Variants in RIT2 observed in about 807,000 individuals in gnomAD.
RIT2 encodes the protein Ras like without CAAX 2, also known as GTP-binding protein Rit2.
Under a neutral mutation model 23.7 loss-of-function variants are expected in RIT2, and 24 were observed. The ratio of observed to expected loss-of-function variants is 1.01; its 90% CI spans 0.73 to 1.43. The LOEUF is 1.43. Among genes scored for constraint, RIT2 ranks in the 40% most tolerant of loss-of-function variants. The probability of loss-of-function intolerance (pLI) is 0.00; values close to 1 mark genes in which losing one functional copy is unlikely to be tolerated. For synonymous variants in RIT2, 107 were observed against 91.1 expected, an observed-to-expected ratio of 1.17 and a Z score of -0.99; for missense variants, 236 against 266.9, an observed-to-expected ratio of 0.88 and a Z score of 0.81.
intron 1 of RIT2, among the ~76,000 whole-genome samples, chr18:43,083,748 G>C (rs190804358): frequency 6.6e-6 from 1 of 152,004 alleles, no homozygotes; most frequent in Non-Finnish European, 1.5e-5. Flanking sequence ...GTGGACTAAA[G>C]AATTAAATAT....
chr18:43,025,226 C>CAAAAAAAAAA (rs1282557268), intron 2 of RIT2, among the ~76,000 whole-genome samples: 1 of 108,862 alleles, frequency 9.2e-6, no homozygotes. Flanking sequence ...CAAAACAAAA[C>CAAAAAAAAAA]AAAAAAAAAA....
At chr18:42,888,587 C>T (rs1251139788) in intron 4 of RIT2, among the ~76,000 whole-genome samples, 1 of 151,758 alleles carries the variant, frequency 6.6e-6, no homozygotes. Context: ...ATAAATCACT[C>T]TACCAGAAAG....
intron 4 of RIT2, among the ~76,000 whole-genome samples, chr18:42,922,032 AAAGT>A (rs1189082271): frequency 1.3e-5 from 2 of 152,180 alleles, no homozygotes. Flanking sequence ...GAGAAACAGC[AAAGT>A]AAGACAGCAG....
chr18:42,878,412 C>T lies in RIT2; in HGVS notation c.426+45160G>A, dbSNP rs1040950145. ...AATAGAAGTGAATCATCACAAAGGTCTTCATCTCTTTCTTGTCTTCAGGTT... is the reference window on the plus strand; with the variant it reads ...AATAGAAGTGAATCATCACAAAGGTTTTCATCTCTTTCTTGTCTTCAGGTT... On this transcript the variant is annotated intron_variant, in intron 4 of 4. Coordinates refer to ENST00000326695, the MANE Select transcript of RIT2 (RefSeq NM_002930.4). Among the ~76,000 whole-genome samples, 28 of 151,844 alleles carry T rather than the reference C, an allele frequency of 1.8e-4. No homozygotes were observed. In the South Asian group the frequency reaches 5.0e-3, roughly 27 times the overall value.
intron 4 of RIT2, among the ~76,000 whole-genome samples, chr18:42,846,420 A>G (rs564833555): frequency 3.2e-4 from 48 of 152,154 alleles, no homozygotes; most frequent in African/African-American, 1.1e-3. Flanking sequence ...TATTAAAAAC[A>G]TAAACTTACA....
intron 4 of RIT2, among the ~76,000 whole-genome samples, chr18:42,812,691 G>T (rs1598664271): frequency 6.6e-6 from 1 of 152,074 alleles, no homozygotes; most frequent in Non-Finnish European, 1.5e-5. Flanking sequence ...GGGGAGAAAA[G>T]GGGAAAGAAA....
At chr18:42,862,296 G>T (rs1053035448) in intron 4 of RIT2, among the ~76,000 whole-genome samples, 1 of 152,128 alleles carries the variant, frequency 6.6e-6, no homozygotes, top group African/African-American at 2.4e-5. Context: ...CGTGAAGAAG[G>T]TCATTGCCTC....
intron 4 of RIT2, among the ~76,000 whole-genome samples, chr18:42,827,047 T>C (rs1031238874): frequency 1.3e-5 from 2 of 150,922 alleles, no homozygotes; most frequent in Admixed American, 6.6e-5. Flanking sequence ...AATTCAATTC[T>C]TAAAACAAAC....
Position 42,976,596 on chromosome 18 carries a change from G to A in RIT2, c.161-2449C>T, listed in dbSNP as rs150024140. 4.6e-4 allele frequency among the ~76,000 whole-genome samples: 70 copies of A among 151,960 alleles called. No individual in the cohort carries two copies. In the East Asian group the frequency reaches 0.011, roughly 24 times the overall value. On this transcript the variant is annotated intron_variant, in intron 2 of 4. Transcript: ENST00000326695. ...TGTTTGGGTCATGTAGTTGTTACAA[G>A]GATTAAATGATACAAGATGAGGAAG...
intron 2 of RIT2, among the ~76,000 whole-genome samples, chr18:42,979,706 G>A (rs544955101): frequency 6.6e-6 from 1 of 152,164 alleles, no homozygotes; most frequent in African/African-American, 2.4e-5. Flanking sequence ...TCTAATGTAT[G>A]TATCAATATA....
At chr18:42,847,077 C>T (rs1235273828) in intron 4 of RIT2, among the ~76,000 whole-genome samples, 2 of 152,080 alleles carry the variant, frequency 1.3e-5, no homozygotes, top group East Asian at 3.9e-4. Flanking sequence ...CTATCATTTG[C>T]CATGCGGTAA....
chr18:42,754,336 G>A (rs1463369426), intron 4 of RIT2, among the ~76,000 whole-genome samples: 1 of 152,134 alleles, frequency 6.6e-6, no homozygotes, highest in Admixed American at 6.5e-5. Flanking sequence ...GGTGTGGAGT[G>A]GGGAAAGGCA....
At position 42,747,162 on chromosome 18, in the gene RIT2, C is replaced by G. The variant is rs530020726; in HGVS notation, c.427-3442G>C. Among the ~76,000 whole-genome samples the G allele has an allele frequency of 3.3e-5, 5 of 152,082 alleles. No individual in the cohort carries two copies. In the East Asian group the frequency reaches 7.7e-4, roughly 23 times the overall value. ...GTATACCTAGAAAACCCTAAAGACT[C>G]TTCCAAAAAGCTCCTAGATAAATGA... On this transcript the variant is annotated intron_variant, in intron 4 of 4. Transcript: ENST00000326695.
intron 1 of RIT2, among the ~76,000 whole-genome samples, chr18:43,113,963 C>T (rs2144256935): frequency 6.6e-6 from 1 of 152,202 alleles, no homozygotes; most frequent in South Asian, 2.1e-4. Flanking sequence ...CTGTATCTGA[C>T]TGGATTCTTG....
At chr18:42,899,030 A>G (rs1026704523) in intron 4 of RIT2, among the ~76,000 whole-genome samples, 2 of 152,090 alleles carry the variant, frequency 1.3e-5, no homozygotes, top group Admixed American at 1.3e-4. Context: ...CTTTTTAAAT[A>G]AATAATTAAT....
chr18:42,976,661 T>C (rs1174503727), intron 2 of RIT2, among the ~76,000 whole-genome samples: 3 of 152,072 alleles, frequency 2.0e-5, no homozygotes, highest in African/African-American at 7.2e-5. Context: ...AAGAGTGTCT[T>C]GCATGTAAAA....
intron 1 of RIT2, among the ~76,000 whole-genome samples, chr18:43,059,763 G>T (rs1033122368): frequency 6.9e-6 from 1 of 145,770 alleles, no homozygotes; most frequent in Admixed American, 7.0e-5. Flanking sequence ...GTGGGGATGA[G>T]AATCATTCTT....
At chr18:42,886,113 G>T (rs1908016416) in intron 4 of RIT2, among the ~76,000 whole-genome samples, 1 of 152,146 alleles carries the variant, frequency 6.6e-6, no homozygotes, top group Admixed American at 6.6e-5. Flanking sequence ...GATAATATTT[G>T]ATTTACTGCT....
chr18:42,895,223 G>A (rs1249340947), intron 4 of RIT2, among the ~76,000 whole-genome samples: 1 of 151,866 alleles, frequency 6.6e-6, no homozygotes, highest in South Asian at 2.1e-4. Flanking sequence ...AAATTGTCCT[G>A]TTTTATAATA....
Sources: allele counts gnomAD v4.1 joint callset (sites outside exome capture counted in the v4.1 genomes callset), GRCh38; gene constraint gnomAD v4.1.1; transcripts MANE v1.5; gene names NCBI Gene and HGNC (gene_info 2026-07-23, HGNC 2026-07-21).